Variants in LEPR observed in about 807,000 individuals in gnomAD.
LEPR encodes OB receptor.
Under a neutral mutation model 114.7 loss-of-function variants are expected in LEPR, and 56 were observed. The ratio of observed to expected loss-of-function variants is 0.49; its 90% CI spans 0.39 to 0.61. LEPR has a LOEUF of 0.61. Among genes scored for constraint, LEPR ranks in the 20% least tolerant of loss-of-function variants. The probability of loss-of-function intolerance (pLI) is 0.00; values close to 1 mark genes in which losing one functional copy is unlikely to be tolerated. For missense variants in LEPR, 1,202 were observed against 1,352.9 expected (o/e 0.89, Z 1.75); for synonymous variants, 443 against 461.4 (o/e 0.96, Z 0.51).
intron 2 of LEPR, among the ~76,000 whole-genome samples, chr1:65,427,259 A>G (rs1646395962): frequency 6.6e-6 from 1 of 152,052 alleles, no homozygotes; most frequent in Non-Finnish European, 1.5e-5. Context: ...GTAGTTAAAG[A>G]CTTACCCAGA....
At chr1:65,613,351 G>A (rs889313633) in intron 14 of LEPR, among the ~76,000 whole-genome samples, 5 of 152,052 alleles carry the variant, frequency 3.3e-5, no homozygotes, top group African/African-American at 1.2e-4. Flanking sequence ...TCTGATCTGG[G>A]AAAGACTGTC....
At chr1:65,457,189 A>G (rs1457683192) in intron 2 of LEPR, among the ~76,000 whole-genome samples, 6 of 152,236 alleles carry the variant, frequency 3.9e-5, no homozygotes, top group African/African-American at 9.6e-5. Flanking sequence ...CACATAAGAT[A>G]TATACATAAG....
At chr1:65,433,002 A>G (rs1362340538) in intron 2 of LEPR, 17 of 985,338 alleles carry the variant, frequency 1.7e-5, no homozygotes, top group Admixed American at 6.1e-5. Context: ...GAACAGATGT[A>G]TCTTTTCATC....
intron 19 of LEPR, chr1:65,634,964 CATT>C: frequency 1.2e-6 from 1 of 815,058 alleles, no homozygotes; most frequent in Non-Finnish European, 1.5e-6. Context: ...CAGTATTTGT[CATT>C]ATGCAGTATT....
At chr1:65,442,278 A>G (rs1215978862) in intron 2 of LEPR, among the ~76,000 whole-genome samples, 2 of 152,196 alleles carry the variant, frequency 1.3e-5, no homozygotes, top group African/African-American at 2.4e-5. Context: ...CAGACTTTCT[A>G]TTGATTCCAG....
At chr1:65,549,419 C>A (rs1652091124) in intron 2 of LEPR, among the ~76,000 whole-genome samples, 1 of 152,160 alleles carries the variant, frequency 6.6e-6, no homozygotes, top group Non-Finnish European at 1.5e-5. Context: ...AACTTGGTTC[C>A]ATTCTCCAAG....
intron 2 of LEPR, among the ~76,000 whole-genome samples, chr1:65,558,515 T>TTTTTTTTTTTTTTTTATA: frequency 9.6e-6 from 1 of 104,180 alleles, no homozygotes; most frequent in Non-Finnish European, 2.0e-5. Context: ...TTTTTTTTTT[T>TTTTTTTTTTTTTTTTATA]TGAATCAGAA....
In LEPR at chr1:65,638,936, A is replaced by G. The variant is rs1160291596; in HGVS notation, c.*1921A>G. On this transcript the variant is annotated 3_prime_UTR_variant, in exon 20 of 20. Coordinates refer to ENST00000349533, the MANE Select transcript of LEPR (RefSeq NM_002303.6). The stretch of plus-strand genomic sequence containing the variant: ...TTATTACATGTATAAAAATTTTAGT[A>G]AAATTGACATTTTAAATACATGCTT... 1 of 152,240 alleles carries G rather than the reference A, an allele frequency of 6.6e-6. No homozygotes were observed. Among genetic ancestry groups the G allele is most frequent in the East Asian group, 1.9e-4 (1 of 5,204 alleles). 9.4% of individuals were successfully genotyped at this position (152,240 alleles called of 1,614,324 possible).
intron 5 of LEPR, among the ~76,000 whole-genome samples, chr1:65,586,889 A>G (rs776513370): frequency 1.1e-4 from 16 of 152,112 alleles, no homozygotes; most frequent in Non-Finnish European, 2.4e-4. Flanking sequence ...TTAAGGATAT[A>G]TACTCTATAT....
At chr1:65,625,568 C>T (rs554647201) in intron 19 of LEPR, among the ~76,000 whole-genome samples, 1 of 152,194 alleles carries the variant, frequency 6.6e-6, no homozygotes, top group Non-Finnish European at 1.5e-5. Flanking sequence ...CAATCACAAC[C>T]TTATAGTTGT....
chr1:65,592,538 A>G, intron 5 of LEPR, 119 bp from the exon 6 acceptor site: 3 of 984,682 alleles, frequency 3.0e-6, no homozygotes, highest in Non-Finnish European at 2.9e-6. Context: ...TTTTTCAGAT[A>G]CCCTTTAAGC....
chr1:65,633,259 G>C lies in LEPR; in HGVS notation c.2674-2932G>C. The C allele has an allele frequency of 1.3e-6, 2 of 1,560,856 alleles. No individual in the cohort carries two copies. The highest frequency in any genetic ancestry group is 1.7e-6 in the Non-Finnish European group (2 of 1,157,856). ...AGAAGATTTTTACATTTTGAAGAAG[G>C]GGAGCAAATCTAAAAAAAATTCAGT... On this transcript the variant is annotated intron_variant, in intron 19 of 19. Transcript: ENST00000349533. This position sits in a 1 kb window ranked among gnomAD's most constrained non-coding sequence, Gnocchi z 4.1.
chr1:65,570,559 A>T lies in LEPR; in HGVS notation c.127A>T (p.Thr43Ser). ...GTTGTCTTGCATGCCACCAAATTCAACCTATGACTACTTCCTTTTGCCTGC... is the reference window on the plus strand; with the variant it reads ...GTTGTCTTGCATGCCACCAAATTCATCCTATGACTACTTCCTTTTGCCTGC... ...FKLSCMPPNSTYDYFLLPAGL... is the reference protein window; with the variant it reads ...FKLSCMPPNSSYDYFLLPAGL... Residue 43 changes from threonine (T) to serine (S), a missense_variant, in exon 4 of 20, where the codon ACC becomes TCC. Thr to Ser is a moderately conservative substitution (Grantham distance 58). Coordinates refer to ENST00000349533, the MANE Select transcript of LEPR (RefSeq NM_002303.6). 1 of 1,614,034 alleles carries T rather than the reference A, an allele frequency of 6.2e-7. No homozygotes were observed. The highest frequency in any genetic ancestry group is 8.5e-7 in the Non-Finnish European group (1 of 1,179,956).
intron 2 of LEPR, among the ~76,000 whole-genome samples, chr1:65,466,602 A>G (rs577707909): frequency 6.6e-6 from 1 of 152,306 alleles, no homozygotes; most frequent in South Asian, 2.1e-4. Flanking sequence ...GTTCTCCTAG[A>G]TAATATCCTG....
intron 2 of LEPR, among the ~76,000 whole-genome samples, chr1:65,438,254 C>T (rs779703602): frequency 2.6e-5 from 4 of 151,252 alleles, no homozygotes; most frequent in Non-Finnish European, 4.4e-5. Context: ...GTTATGGCCA[C>T]GATAAAGAAG....
chr1:65,483,071 G>C (rs1229757301), intron 2 of LEPR, among the ~76,000 whole-genome samples: 3 of 151,482 alleles, frequency 2.0e-5, no homozygotes, highest in Non-Finnish European at 4.4e-5. Context: ...ATATTGCTTA[G>C]ACAAAACACA....
intron 14 of LEPR, among the ~76,000 whole-genome samples, chr1:65,613,724 C>T (rs1395486693): frequency 1.4e-5 from 1 of 71,598 alleles, no homozygotes; most frequent in Non-Finnish European, 2.4e-5. Context: ...TTGCAGTCCG[C>T]AGTCCGGCCT....
chr1:65,555,031 G>A (rs973849974), intron 2 of LEPR, among the ~76,000 whole-genome samples: 2 of 152,034 alleles, frequency 1.3e-5, no homozygotes, highest in Non-Finnish European at 2.9e-5. Flanking sequence ...CTCACCCTCC[G>A]TGGGCGGCAC....
Position 65,439,848 on chromosome 1 carries a change from A to C in LEPR, c.-21+14470A>C, listed in dbSNP as rs1258207452. On this transcript the variant is annotated intron_variant, in intron 2 of 19. Coordinates refer to ENST00000349533, the MANE Select transcript of LEPR (RefSeq NM_002303.6). ...CATCTCAAAAAAAAAAAAAAAAAAA[A>C]GCTGGGCGCAGTGGCGTGTGCCTGT... Among the ~76,000 whole-genome samples the C allele has an allele frequency of 2.1e-5, 3 of 140,198 alleles. No homozygotes were observed. The East Asian group carries it at 5.9e-4, about 28-fold the overall frequency. 92.0% of individuals were successfully genotyped at this position (140,198 alleles called of 152,430 possible).
Sources: gnomAD v4.1 joint callset for allele counts (sites outside exome capture counted in the v4.1 genomes callset) on GRCh38, gnomAD v4.1.1 for gene constraint, Gnocchi (gnomAD v3.1) non-coding constraint, MANE v1.5 for transcripts, NCBI Gene and HGNC (gene_info 2026-07-23, HGNC 2026-07-21) for gene names.